Variants in NF1 observed in about 807,000 individuals in gnomAD.
The protein encoded by NF1 is neurofibromin 1.
A neutral mutation model predicts 325.7 loss-of-function variants in NF1; 122 were observed. The observed-to-expected ratio is 0.37, with a 90% CI of 0.32 to 0.44. The LOEUF (loss-of-function observed/expected upper bound fraction) is 0.44. NF1 is among the 20% of genes least tolerant of loss of function. The pLI is 1.00. For missense variants in NF1, 2,140 were observed against 3,415.4 expected, an observed-to-expected ratio of 0.63 and a Z score of 9.31; for synonymous variants, 1,091 against 1,186.0, an observed-to-expected ratio of 0.92 and a Z score of 1.65.
chr17:31,319,137 C>T (rs1369524568), intron 36 of NF1: 10 of 1,108,012 alleles, frequency 9.0e-6, no homozygotes, highest in Middle Eastern at 2.1e-4. Flanking sequence ...CAAGCTTATG[C>T]CTAATATTCG....
chr17:31,228,429 G>C (rs1162355252), intron 20 of NF1, among the ~76,000 whole-genome samples: 2 of 151,990 alleles, frequency 1.3e-5, no homozygotes, highest in Non-Finnish European at 2.9e-5. Flanking sequence ...AGCTTTTGGG[G>C]GGATAACTGT....
intron 5 of NF1, among the ~76,000 whole-genome samples, chr17:31,172,351 G>GTCTCTC (rs968759244): frequency 1.5e-4 from 6 of 39,398 alleles, no homozygotes; most frequent in Admixed American, 5.9e-4. Flanking sequence ...CTGTCTCTCT[G>GTCTCTC]TCTCTCTCTC....
chr17:31,355,871 C>G (rs1296297215), intron 51 of NF1: 1 of 154,870 alleles, frequency 6.5e-6, no homozygotes, highest in Non-Finnish European at 1.4e-5. Context: ...AGTGTTAATA[C>G]ATGATTACAT....
chr17:31,096,993 C>T (rs1006140390), intron 1 of NF1, among the ~76,000 whole-genome samples: 57 of 152,170 alleles, frequency 3.7e-4, no homozygotes, highest in African/African-American at 1.3e-3. Context: ...CAAAGCTGAA[C>T]CTTGTGGACA....
At chr17:31,357,114 C>T (rs2151582656) in intron 53 of NF1, 24 bp downstream of exon 53, 1 of 1,612,188 alleles carries the variant, frequency 6.2e-7, no homozygotes, top group Non-Finnish European at 8.5e-7. Flanking sequence ...CTTTTTGAGT[C>T]CCCCACCCTC....
At chr17:31,301,603 G>C (rs866296649) in intron 36 of NF1, among the ~76,000 whole-genome samples, 13 of 152,134 alleles carry the variant, frequency 8.5e-5, no homozygotes, top group Non-Finnish European at 8.8e-5. Flanking sequence ...CCAAATAGAA[G>C]ACTTATGTGA....
At chr17:31,125,151 A>G (rs889402316) in intron 1 of NF1, among the ~76,000 whole-genome samples, 1 of 152,128 alleles carries the variant, frequency 6.6e-6, no homozygotes, top group African/African-American at 2.4e-5. Context: ...CTCCATGAAC[A>G]ATGTATTGCT....
chr17:31,130,271 T>G (rs1164125161), intron 1 of NF1, among the ~76,000 whole-genome samples: 1 of 152,114 alleles, frequency 6.6e-6, no homozygotes, highest in Non-Finnish European at 1.5e-5. Flanking sequence ...GTTAGGAACC[T>G]GCTGCACTGG....
chr17:31,258,978 T>C (rs2151462793), intron 32 of NF1, 54 bp from the exon 33 acceptor site: 2 of 1,207,828 alleles, frequency 1.7e-6, no homozygotes, highest in South Asian at 1.3e-5. Flanking sequence ...TCTTAATGTA[T>C]AGACTTCATA....
At chr17:31,270,749 C>G (rs1175492574) in intron 36 of NF1, among the ~76,000 whole-genome samples, 1 of 152,202 alleles carries the variant, frequency 6.6e-6, no homozygotes, top group East Asian at 1.9e-4. Context: ...TTCCTAAGTG[C>G]TTTCTCTGCA....
intron 1 of NF1, among the ~76,000 whole-genome samples, chr17:31,104,981 C>T (rs940562615): frequency 2.0e-5 from 3 of 151,890 alleles, no homozygotes; most frequent in Middle Eastern, 3.4e-3. Context: ...CATAGCTCAC[C>T]ATAGCCTCGA....
chr17:31,213,387 A>G (rs1469280127), intron 12 of NF1, among the ~76,000 whole-genome samples: 1 of 152,206 alleles, frequency 6.6e-6, no homozygotes, highest in Non-Finnish European at 1.5e-5. Flanking sequence ...TCTTGGGTAT[A>G]ATAACAAATG....
At chr17:31,165,474 C>T (rs907366416) in intron 4 of NF1, among the ~76,000 whole-genome samples, 4 of 152,104 alleles carry the variant, frequency 2.6e-5, no homozygotes, top group African/African-American at 9.7e-5. Flanking sequence ...ATGCTGTCAT[C>T]GTCATAGTAT....
At chr17:31,111,686 G>T (rs1913428597) in intron 1 of NF1, among the ~76,000 whole-genome samples, 1 of 152,104 alleles carries the variant, frequency 6.6e-6, no homozygotes, top group Non-Finnish European at 1.5e-5. Flanking sequence ...GCGAAATAAA[G>T]ACATTTTTAG....
At chr17:31,322,955 A>G (rs949653170) in intron 36 of NF1, among the ~76,000 whole-genome samples, 3 of 152,204 alleles carry the variant, frequency 2.0e-5, no homozygotes, top group Admixed American at 2.0e-4. Context: ...GTAGCCCTGA[A>G]TCCTTCTTAT....
At chr17:31,208,299 C>T (rs2066659921) in intron 12 of NF1, among the ~76,000 whole-genome samples, 1 of 151,916 alleles carries the variant, frequency 6.6e-6, no homozygotes, top group African/African-American at 2.4e-5. Context: ...TACATAATGA[C>T]TAAAGGACAG....
chr17:31,277,551 C>T (rs1216023618), intron 36 of NF1, among the ~76,000 whole-genome samples: 5 of 152,076 alleles, frequency 3.3e-5, no homozygotes, highest in African/African-American at 9.7e-5. Flanking sequence ...TGTTCTTTAC[C>T]CTGCTGTGTA....
chr17:31,114,373 C>G (rs895079649), intron 1 of NF1, among the ~76,000 whole-genome samples: 1 of 151,752 alleles, frequency 6.6e-6, no homozygotes, highest in Non-Finnish European at 1.5e-5. Flanking sequence ...CCCGTTTCTA[C>G]TAAAAATATA....
intron 11 of NF1, among the ~76,000 whole-genome samples, chr17:31,204,778 A>G (rs985444076): frequency 1.3e-5 from 2 of 152,102 alleles, no homozygotes; most frequent in African/African-American, 4.8e-5. Flanking sequence ...TGGGTAAGGA[A>G]GACCCTTCAC....
Sources: gnomAD v4.1 joint callset for allele counts (sites outside exome capture counted in the v4.1 genomes callset) on GRCh38, gnomAD v4.1.1 for gene constraint, MANE v1.5 for transcripts, NCBI Gene and HGNC (gene_info 2026-07-23, HGNC 2026-07-21) for gene names.